ZNF814: variants seen among roughly 807,000 people sequenced by gnomAD.
ZNF814 encodes the protein zinc finger protein 814.
ZNF814 carries 5 observed loss-of-function variants against 7.5 expected under a neutral mutation model. The ratio of observed to expected loss-of-function variants is 0.67; its 90% confidence interval spans 0.35 to 1.40. The LOEUF is 1.40. ZNF814 is among the 40% of genes most tolerant of loss of function. The pLI is 0.04. For synonymous variants in ZNF814, 315 were observed against 340.7 expected, an observed-to-expected ratio of 0.92 and a Z score of 0.83; for missense variants, 962 against 1,018.0, an observed-to-expected ratio of 0.94 and a Z score of 0.75.
rs1472058683 is a variant in ZNF814, at chr19:57,872,816, TCA to T, written c.*4_*5del. On this transcript the variant is annotated 3_prime_UTR_variant, in exon 3 of 3. Transcript: ENST00000435989. ...CTTGCTAAAAACTTTCTGACAATCC[TCA>T]CACTCATATGGCTTTTCTCCAGTGT... The T allele has an allele frequency of 5.6e-6, 9 of 1,609,456 alleles. No homozygotes were observed. The highest frequency in any genetic ancestry group is 7.6e-6 in the Non-Finnish European group (9 of 1,177,446).
At chr19:57,905,090 C>G in the ZNF814 span, among the ~76,000 whole-genome samples, 662 of 141,134 alleles carry the variant, frequency 4.7e-3, 9 homozygotes, top group African/African-American at 0.016. Flanking sequence ...CATGAAGAAT[C>G]CTCGAATGTT....
In ZNF814 at chr19:57,874,470, T is replaced by C. The variant is rs1360134121; in HGVS notation, c.920A>G (p.Lys307Arg). 1 of 893,924 alleles carries C rather than the reference T, an allele frequency of 1.1e-6. No individual in the cohort carries two copies. 55.4% of individuals were successfully genotyped at this position (893,924 alleles called of 1,614,324 possible). Residue 307 changes from lysine to arginine, a missense_variant, in exon 3 of 3, where the codon AAA becomes AGA. By Grantham distance (26) the Lys-to-Arg change is conservative. Transcript: ENST00000435989. ...ECGECGKSFS[K>R]YVSFSNHQRV... The stretch of plus-strand genomic sequence containing the variant: ...CTGATGATTACTGAAGCTAACATAT[T>C]TGCTAAAGGATTTCCCACATTCTCC...
chr19:57,872,889 C>T lies in ZNF814; in HGVS notation c.2501G>A (p.Gly834Glu). The T allele has an allele frequency of 2.5e-6, 4 of 1,612,290 alleles. No homozygotes were observed. Among genetic ancestry groups the T allele is most frequent in the Non-Finnish European group, 3.4e-6 (4 of 1,179,412 alleles). Residue 834 changes from glycine to glutamate, a missense_variant, in exon 3 of 3, where the codon GGG becomes GAG. Around this residue, in one of 7 missense-constraint regions of ZNF814, gnomAD observed 665 missense variants for 551.4 expected, o/e 1.21. Coordinates refer to ENST00000435989, the MANE Select transcript of ZNF814 (RefSeq NM_001144989.2). ...GTGAGACTTCTTGTTAAATAATTTC[C>T]CACATTTCTCACATTTATAAGGCTT... ...GEKPYKCEKC[G>E]KLFNKKSHLL...
chr19:57,890,487 G>A (rs1212721156), upstream of ZNF814, among the ~76,000 whole-genome samples: 1 of 152,042 alleles, frequency 6.6e-6, no homozygotes, highest in Non-Finnish European at 1.5e-5. Context: ...TTGGTAGATA[G>A]GGGGCCATGA....
In ZNF814 at chr19:57,871,043, A is replaced by G. The variant is rs1343758282; in HGVS notation, c.*1779T>C. 2 of 152,208 alleles carry G rather than the reference A, an allele frequency of 1.3e-5. No homozygotes were observed. Among genetic ancestry groups the G allele is most frequent in the East Asian group, 1.9e-4 (1 of 5,202 alleles). The allele number at this position is 152,208 out of a possible 1,614,324, so 9.4% of individuals were successfully genotyped here. The stretch of plus-strand genomic sequence containing the variant: ...GCAGTTACATTATTCTGTCTCCTCC[A>G]CTGCCTATAAATAAAGTAATTCTAT... On this transcript the variant is annotated 3_prime_UTR_variant, in exon 3 of 3. Transcript: ENST00000435989.
At chr19:57,885,244 C>G (rs2071680568) in intron 1 of ZNF814, among the ~76,000 whole-genome samples, 1 of 151,842 alleles carries the variant, frequency 6.6e-6, no homozygotes, top group East Asian at 1.9e-4. Flanking sequence ...ATCGCTTGAA[C>G]CCAGGAGGCG....
At chr19:57,903,853 A>G in the ZNF814 span, among the ~76,000 whole-genome samples, 2 of 152,188 alleles carry the variant, frequency 1.3e-5, no homozygotes, top group Non-Finnish European at 2.9e-5. Context: ...AAAAAGGGAG[A>G]CATGTTGGCA....
chr19:57,892,587 G>T (rs1423808999), upstream of ZNF814, among the ~76,000 whole-genome samples: 1 of 152,222 alleles, frequency 6.6e-6, no homozygotes. Context: ...CTTGCTGATG[G>T]CTATGGGTGA....
intron 1 of ZNF814, among the ~76,000 whole-genome samples, chr19:57,878,451 G>T (rs1410403444): frequency 6.6e-6 from 1 of 151,112 alleles, no homozygotes; most frequent in Admixed American, 6.6e-5. Context: ...CAGAGGCTAG[G>T]ATACATTACC....
chr19:57,890,530 G>T (rs900490528), upstream of ZNF814, among the ~76,000 whole-genome samples: 3 of 152,106 alleles, frequency 2.0e-5, no homozygotes, highest in African/African-American at 7.2e-5. Flanking sequence ...GGTTGGAGAT[G>T]AAATCATAGG....
At position 57,873,743 on chromosome 19, in the gene ZNF814, C is replaced by G; in HGVS notation, c.1647G>C (p.Glu549Asp). Residue 549 changes from glutamate (E) to aspartate (D), a missense_variant, in exon 3 of 3, where the codon GAG becomes GAC. This residue lies in a region of ZNF814 where 665 missense variants were observed against 551.4 expected (regional missense o/e 1.21). Coordinates refer to ENST00000435989, the MANE Select transcript of ZNF814 (RefSeq NM_001144989.2). ...TAAAAGATTTCCCACACTCTCCACA[C>G]TCATAAAGTCTGTCCCCAGTGTGAA... ...QQIHTGDRLY[E>D]CGECGKSFSH... 1.2e-6 allele frequency: 2 copies of G among 1,613,568 alleles called. No homozygotes were observed. Among genetic ancestry groups the G allele is most frequent in the Middle Eastern group, 1.6e-4 (1 of 6,062 alleles).
In ZNF814 at chr19:57,872,891, A is replaced by G. The variant is rs1459246278; in HGVS notation, c.2499T>C (p.Cys833=). 6.2e-7 allele frequency: 1 copy of G among 1,612,122 alleles called. No individual in the cohort carries two copies. ...TGEKPYKCEK[C]GKLFNKKSHL... is the part of the protein sequence containing the mutation. ...GAGACTTCTTGTTAAATAATTTCCC[A>G]CATTTCTCACATTTATAAGGCTTTT... The change falls in exon 3 of 3, where the codon TGT becomes TGC. Residue 833 remains cysteine, a synonymous_variant. Coordinates refer to ENST00000435989, the MANE Select transcript of ZNF814 (RefSeq NM_001144989.2).
rs760772801 is a variant in ZNF814, at chr19:57,873,834, G to A, written c.1556C>T (p.Pro519Leu). ...LHQRVHTGAR[P>L]YECGECGKSF... ...TTTCCCACATTCTCCACACTCATAAGGTCTTGCTCCAGTGTGAACTCGCTG... is the reference window on the plus strand; with the variant it reads ...TTTCCCACATTCTCCACACTCATAAAGTCTTGCTCCAGTGTGAACTCGCTG... Residue 519 changes from proline to leucine, a missense_variant, in exon 3 of 3, where the codon CCT becomes CTT. Coordinates refer to ENST00000435989, the MANE Select transcript of ZNF814 (RefSeq NM_001144989.2). The A allele has an allele frequency of 1.2e-6, 2 of 1,613,810 alleles. No homozygotes were observed. The highest frequency in any genetic ancestry group is 1.7e-6 in the Non-Finnish European group (2 of 1,179,926).
chr19:57,893,170 ATTT>A (rs760411389), upstream of ZNF814, among the ~76,000 whole-genome samples: 7 of 125,194 alleles, frequency 5.6e-5, no homozygotes, highest in Admixed American at 8.2e-5. Flanking sequence ...TTTGTTATTG[ATTT>A]TTTTTTTTTT....
intron 1 of ZNF814, among the ~76,000 whole-genome samples, chr19:57,880,898 G>A (rs1456786724): frequency 7.2e-5 from 11 of 151,946 alleles, no homozygotes; most frequent in Admixed American, 2.0e-4. Context: ...GATTACAGGC[G>A]TGAGCCACCA....
Position 57,869,390 on chromosome 19 carries a change from G to T in ZNF814, c.*3432C>A, listed in dbSNP as rs1019664028. 3.3e-5 allele frequency: 5 copies of T among 150,710 alleles called. 1 individual carries two copies. In the East Asian group the frequency reaches 9.7e-4, roughly 29 times the overall value. 9.3% of individuals were successfully genotyped at this position (150,710 alleles called of 1,614,324 possible). A position where few individuals can be genotyped will look rare whatever the true frequency, so the allele number is the denominator to read the frequency against. On this transcript the variant is annotated 3_prime_UTR_variant, in exon 3 of 3. Coordinates refer to ENST00000435989, the MANE Select transcript of ZNF814 (RefSeq NM_001144989.2). The stretch of plus-strand genomic sequence containing the variant: ...AGAGAGCACCCAGGGATTATAAGAG[G>T]AAACACTTTATTACATCACTCATCT...
chr19:57,878,913 A>G (rs1425365593), intron 1 of ZNF814, among the ~76,000 whole-genome samples: 2 of 152,086 alleles, frequency 1.3e-5, no homozygotes, highest in African/African-American at 4.8e-5. Flanking sequence ...ATACATGCAC[A>G]CACACACACG....
chr19:57,901,050 G>GGGA, the ZNF814 span, among the ~76,000 whole-genome samples: 1 of 150,962 alleles, frequency 6.6e-6, no homozygotes, highest in Non-Finnish European at 1.5e-5. Context: ...GGGTTTCACC[G>GGGA]TGGTCTTGAT....
rs2071554538 is a variant in ZNF814, at chr19:57,871,211, A to G, written c.*1611T>C. 6.6e-6 allele frequency: 1 copy of G among 152,164 alleles called. No individual in the cohort carries two copies. Among genetic ancestry groups the G allele is most frequent in the Non-Finnish European group, 1.5e-5 (1 of 68,040 alleles). 9.4% of individuals were successfully genotyped at this position (152,164 alleles called of 1,614,324 possible). On this transcript the variant is annotated 3_prime_UTR_variant, in exon 3 of 3. Transcript: ENST00000435989. Reference sequence around the variant, plus strand: ...CAAGTACAATGCAATATACCTCGTAAAAGAATTTTGTCTTGTTCAAAAAAT... The same window carrying G: ...CAAGTACAATGCAATATACCTCGTAGAAGAATTTTGTCTTGTTCAAAAAAT...
Sources: gnomAD v4.1 joint callset for allele counts (sites outside exome capture counted in the v4.1 genomes callset) on GRCh38, gnomAD v4.1.1 for gene constraint, gnomAD v4.1.1 regional missense constraint, MANE v1.5 for transcripts, NCBI Gene and HGNC (gene_info 2026-07-23, HGNC 2026-07-21) for gene names.